The following ZNF385D variants were observed in gnomAD, a reference collection of about 807,000 sequenced individuals.
The protein encoded by ZNF385D is zinc finger protein 659.
A neutral mutation model predicts 35.8 loss-of-function variants in ZNF385D; 15 were observed. The observed-to-expected ratio is 0.42, with a 90% CI of 0.28 to 0.64. The LOEUF is 0.64. Ranked by LOEUF, ZNF385D falls within the 30% of genes least tolerant of loss-of-function variation. The pLI is 0.23. For synonymous variants in ZNF385D, 212 were observed against 186.8 expected (o/e 1.13, Z -1.10); for missense variants, 474 against 494.6 (o/e 0.96, Z 0.39).
intron 3 of ZNF385D, among the ~76,000 whole-genome samples, chr3:21,811,862 TG>T (rs2072934269): frequency 6.6e-6 from 1 of 152,192 alleles, no homozygotes; most frequent in Admixed American, 6.5e-5. Flanking sequence ...TCATGGATGG[TG>T]AATTGCATAA....
intron 2 of ZNF385D, among the ~76,000 whole-genome samples, chr3:22,270,986 T>C (rs139376225): frequency 0.011 from 1,714 of 152,074 alleles, 51 homozygotes; most frequent in Admixed American, 0.061. Context: ...GAGTTTTCAT[T>C]CTGGGTATTT....
chr3:21,601,566 C>A (rs1407775566), intron 2 of ZNF385D, among the ~76,000 whole-genome samples: 2 of 152,202 alleles, frequency 1.3e-5, no homozygotes, highest in African/African-American at 4.8e-5. Flanking sequence ...AGAGCAACTT[C>A]TTCACTTTTA....
chr3:21,776,841 G>T (rs1244347431), intron 3 of ZNF385D, among the ~76,000 whole-genome samples: 3 of 151,908 alleles, frequency 2.0e-5, no homozygotes, highest in Non-Finnish European at 4.4e-5. Flanking sequence ...TGCTATTCCT[G>T]TGGGCAGAAA....
intron 3 of ZNF385D, among the ~76,000 whole-genome samples, chr3:21,954,072 C>T (rs1462653944): frequency 6.6e-6 from 1 of 151,900 alleles, no homozygotes; most frequent in Non-Finnish European, 1.5e-5. Context: ...TTTATTTAAT[C>T]ACAGCATAAG....
intron 2 of ZNF385D, among the ~76,000 whole-genome samples, chr3:22,211,132 A>C (rs1697491822): frequency 6.6e-6 from 1 of 151,892 alleles, no homozygotes; most frequent in Non-Finnish European, 1.5e-5. Flanking sequence ...TGTGTTTGCA[A>C]AGTTATTCCT....
chr3:22,286,208 ATAAT>A (rs550825389), intron 2 of ZNF385D, among the ~76,000 whole-genome samples: 66 of 152,130 alleles, frequency 4.3e-4, no homozygotes, highest in Non-Finnish European at 8.1e-4. Context: ...TTTAAATAAG[ATAAT>A]TAATATTTGT....
intron 3 of ZNF385D, among the ~76,000 whole-genome samples, chr3:22,118,589 A>G (rs1342922552): frequency 1.3e-5 from 2 of 152,246 alleles, no homozygotes; most frequent in South Asian, 2.1e-4. Flanking sequence ...GAATTAAGCA[A>G]TTCAACTTTT....
chr3:21,810,535 T>C (rs1475869431), intron 3 of ZNF385D, among the ~76,000 whole-genome samples: 3 of 151,972 alleles, frequency 2.0e-5, no homozygotes, highest in African/African-American at 4.8e-5. Context: ...AAAAACTATA[T>C]ATGTGTGTGT....
intron 2 of ZNF385D, among the ~76,000 whole-genome samples, chr3:22,365,184 C>T (rs1196743263): frequency 2.6e-5 from 4 of 151,848 alleles, no homozygotes; most frequent in African/African-American, 4.8e-5. Context: ...GTGATGTTTG[C>T]ACAACAATAT....
intron 1 of ZNF385D, among the ~76,000 whole-genome samples, chr3:21,697,778 G>A (rs1045640916): frequency 6.6e-6 from 1 of 151,558 alleles, no homozygotes; most frequent in African/African-American, 2.4e-5. Context: ...TGAATAGAAA[G>A]TGAACAACTG....
chr3:22,304,703 C>T lies in ZNF385D; in HGVS notation c.106+67747G>A, dbSNP rs115227758. Among the ~76,000 whole-genome samples, 1,180 of 152,172 alleles carry T rather than the reference C, an allele frequency of 7.8e-3. 17 individuals are homozygous for T. Among genetic ancestry groups the T allele is most frequent in the South Asian group, 0.051 (244 of 4,826 alleles). On this transcript the variant is annotated intron_variant, in intron 2 of 5. Transcript: ENST00000494108. Reference sequence around the variant, plus strand: ...TTTTCTTTTCTTAAAAATGTCATATCAATTTAATGGCTAAAATATTTTTGT... The same window carrying T: ...TTTTCTTTTCTTAAAAATGTCATATTAATTTAATGGCTAAAATATTTTTGT...
intron 3 of ZNF385D, among the ~76,000 whole-genome samples, chr3:21,770,316 AG>A (rs2071022686): frequency 1.3e-5 from 2 of 152,196 alleles, no homozygotes; most frequent in Admixed American, 1.3e-4. Flanking sequence ...ACAGAATGGA[AG>A]AAAATTGTTG....
chr3:22,248,993 T>C (rs1376735369), intron 2 of ZNF385D, among the ~76,000 whole-genome samples: 1 of 152,168 alleles, frequency 6.6e-6, no homozygotes, highest in Non-Finnish European at 1.5e-5. Context: ...TTCTGACTGA[T>C]GGTTCTAGCA....
intron 3 of ZNF385D, among the ~76,000 whole-genome samples, chr3:22,049,463 G>C (rs1433663648): frequency 6.6e-6 from 1 of 151,882 alleles, no homozygotes; most frequent in African/African-American, 2.4e-5. Flanking sequence ...ATAGAAACAA[G>C]TGTACCCATG....
At chr3:21,994,991 G>A (rs1695372550) in intron 3 of ZNF385D, among the ~76,000 whole-genome samples, 2 of 152,236 alleles carry the variant, frequency 1.3e-5, no homozygotes, top group South Asian at 4.1e-4. Context: ...AGTGATGTTA[G>A]TGGGTCCAGG....
intron 3 of ZNF385D, among the ~76,000 whole-genome samples, chr3:21,999,533 T>C (rs1483476886): frequency 1.3e-5 from 2 of 152,202 alleles, no homozygotes; most frequent in Non-Finnish European, 2.9e-5. Context: ...TTAACTTCAC[T>C]GTATTATTCT....
At chr3:21,827,644 T>C (rs1176486678) in intron 3 of ZNF385D, among the ~76,000 whole-genome samples, 1 of 152,204 alleles carries the variant, frequency 6.6e-6, no homozygotes, top group African/African-American at 2.4e-5. Flanking sequence ...CACAGCATCT[T>C]ACATTAATAT....
rs142809444 is a variant in ZNF385D at position 21,801,805 on chromosome 3, G to A, written c.326-136777C>T. 2.0e-3 allele frequency among the ~76,000 whole-genome samples: 297 copies of A among 152,152 alleles called. 2 individuals carry two copies. Among genetic ancestry groups the A allele is most frequent in the African/African-American group, 6.8e-3 (281 of 41,544 alleles). On this transcript the variant is annotated intron_variant, in intron 3 of 5. Transcript: ENST00000494108. Reference sequence around the variant, plus strand: ...GAGAATCTCTATATTTAGAGTGCCCGTCCTGACCAATTTGGGTTTCAGGAT... The same window carrying A: ...GAGAATCTCTATATTTAGAGTGCCCATCCTGACCAATTTGGGTTTCAGGAT...
At chr3:22,368,818 A>T (rs979090329) in intron 2 of ZNF385D, among the ~76,000 whole-genome samples, 3 of 152,190 alleles carry the variant, frequency 2.0e-5, no homozygotes, top group African/African-American at 7.2e-5. Flanking sequence ...TTTGGGGGAG[A>T]TATAAACATT....
Sources: gnomAD v4.1 joint callset for allele counts (sites outside exome capture counted in the v4.1 genomes callset) on GRCh38, gnomAD v4.1.1 for gene constraint, MANE v1.5 for transcripts, NCBI Gene and HGNC (gene_info 2026-07-23, HGNC 2026-07-21) for gene names.